The following SNRK variants were observed in gnomAD, a reference collection of about 807,000 sequenced individuals.
The protein encoded by SNRK is SNF-related serine/threonine-protein kinase.
A neutral mutation model predicts 48.2 loss-of-function variants in SNRK; 3 were observed. The ratio of observed to expected loss-of-function variants is 0.06; its 90% CI spans 0.03 to 0.16. The LOEUF is 0.16. SNRK is among the 10% of genes least tolerant of loss of function. SNRK has a pLI of 1.00. For synonymous variants in SNRK, 376 were observed against 366.1 expected (o/e 1.03, Z -0.31); for missense variants, 627 against 976.0 (o/e 0.64, Z 4.76).
chr3:43,344,661 C>G (rs2091261941), intron 6 of SNRK, among the ~76,000 whole-genome samples: 1 of 151,706 alleles, frequency 6.6e-6, no homozygotes, highest in Admixed American at 6.6e-5. Context: ...GGATGCATTC[C>G]TCTGTAATAA....
At chr3:43,316,865 G>C (rs924605728) in intron 3 of SNRK, among the ~76,000 whole-genome samples, 3 of 151,482 alleles carry the variant, frequency 2.0e-5, no homozygotes, top group Non-Finnish European at 2.9e-5. Flanking sequence ...TTCCACTGCT[G>C]TTCCCTGGAG....
intron 2 of SNRK, among the ~76,000 whole-genome samples, chr3:43,301,001 T>C (rs1235032439): frequency 6.6e-6 from 1 of 152,248 alleles, no homozygotes; most frequent in Non-Finnish European, 1.5e-5. Flanking sequence ...CAAGTTACTG[T>C]GCCTCAAAAG....
intron 4 of SNRK, among the ~76,000 whole-genome samples, chr3:43,338,935 T>TA (rs1274672158): frequency 1.1e-4 from 16 of 152,234 alleles, no homozygotes; most frequent in African/African-American, 3.6e-4. Flanking sequence ...TTAACACAGT[T>TA]ACATTTTACA....
chr3:43,347,664 C>T lies in SNRK; in HGVS notation c.1405C>T (p.Arg469Trp), dbSNP rs763407333. 5.6e-6 allele frequency: 9 copies of T among 1,613,702 alleles called. No homozygotes were observed. Among genetic ancestry groups the T allele is most frequent in the African/African-American group, 1.3e-5 (1 of 75,022 alleles). ...CCTCTCAACACAAGTGGTTTTGCGCCGGAAGCCATCTGTAACCAACCGCCT... is the reference window on the plus strand; with the variant it reads ...CCTCTCAACACAAGTGGTTTTGCGCTGGAAGCCATCTGTAACCAACCGCCT... ...MSLSTQVVLR[R>W]KPSVTNRLTS... Residue 469 changes from arginine to tryptophan, a missense_variant, in exon 7 of 7, where the codon CGG (arginine) becomes TGG (tryptophan). Physicochemically the swap from Arg to Trp is moderately radical, Grantham distance 101 (BLOSUM62 -3). Around this residue, in one of 4 missense-constraint regions of SNRK, gnomAD observed 98 missense variants for 175.2 expected, o/e 0.56. Transcript: ENST00000296088. This position sits in a 1 kb window ranked among gnomAD's most constrained non-coding sequence, Gnocchi z 5.4.
At chr3:43,313,997 T>C (rs941204960) in intron 3 of SNRK, among the ~76,000 whole-genome samples, 64 of 152,236 alleles carry the variant, frequency 4.2e-4, no homozygotes, top group Admixed American at 4.1e-3. Context: ...AGAAGGTTGA[T>C]GTGACAGAAA....
intron 1 of SNRK, among the ~76,000 whole-genome samples, chr3:43,288,325 A>AT (rs1277820734): frequency 1.3e-5 from 2 of 152,004 alleles, no homozygotes; most frequent in African/African-American, 4.8e-5. Context: ...AATTCTGAGT[A>AT]TTTTTTTCTG....
chr3:43,348,083 C>G lies in SNRK; in HGVS notation c.1824C>G (p.Pro608=). The change falls in exon 7 of 7, where the codon CCC becomes CCG. Residue 608 remains proline (P), a synonymous_variant. Coordinates refer to ENST00000296088, the MANE Select transcript of SNRK (RefSeq NM_017719.5). ...AGAACAATGCTGGTGGGGGCAGTCCCTCCAGCGGCTCGGGTGGCAACCCCA... is the reference window on the plus strand; with the variant it reads ...AGAACAATGCTGGTGGGGGCAGTCCGTCCAGCGGCTCGGGTGGCAACCCCA... ...PSENNAGGGS[P]SSGSGGNPTN... is the part of the protein sequence containing the mutation. 1.3e-6 allele frequency: 2 copies of G among 1,592,960 alleles called. No homozygotes were observed. The highest frequency in any genetic ancestry group is 1.7e-6 in the Non-Finnish European group (2 of 1,169,686).
chr3:43,341,047 T>C (rs2091231903), intron 5 of SNRK, among the ~76,000 whole-genome samples: 2 of 133,464 alleles, frequency 1.5e-5, no homozygotes, highest in African/African-American at 7.9e-5. Flanking sequence ...GCCTGAAATA[T>C]TTATTATCTG....
chr3:43,315,209 T>C (rs544854239), intron 3 of SNRK: 8 of 152,136 alleles, frequency 5.3e-5, no homozygotes, highest in Non-Finnish European at 1.0e-4. Flanking sequence ...TGCCTGGAAA[T>C]AGCCACTGTG....
At chr3:43,332,106 C>A in intron 3 of SNRK, 63 bp from the exon 4 acceptor site, 1 of 1,209,696 alleles carries the variant, frequency 8.3e-7, no homozygotes, top group Non-Finnish European at 1.1e-6. Context: ...ATTGTTAGCG[C>A]ACTTTTAATG....
At chr3:43,339,641 C>T (rs765927759) in intron 4 of SNRK, among the ~76,000 whole-genome samples, 5 of 151,164 alleles carry the variant, frequency 3.3e-5, no homozygotes, top group Non-Finnish European at 5.9e-5. Context: ...CATAGTGAAA[C>T]CCCGTCTCTA....
chr3:43,318,559 T>A (rs199657486), intron 3 of SNRK, among the ~76,000 whole-genome samples: 9 of 130,434 alleles, frequency 6.9e-5, no homozygotes, highest in Non-Finnish European at 1.4e-4. Flanking sequence ...TTTTTTTTTT[T>A]AAACTTTTTG....
At chr3:43,313,595 T>A (rs766845610) in intron 3 of SNRK, among the ~76,000 whole-genome samples, 5 of 152,212 alleles carry the variant, frequency 3.3e-5, no homozygotes, top group South Asian at 2.1e-4. Context: ...CTTGTGGTGA[T>A]GGAGCACTTC....
At chr3:43,340,665 GT>G (rs959295255) in intron 5 of SNRK, 166 bp downstream of exon 5, 27 of 637,016 alleles carry the variant, frequency 4.2e-5, no homozygotes, top group African/African-American at 5.5e-5. Context: ...CCTGACACAG[GT>G]TTTTTTTGGT....
At chr3:43,296,419 T>TATATATATAC (rs1553632582) in intron 1 of SNRK, among the ~76,000 whole-genome samples, 1 of 143,950 alleles carries the variant, frequency 6.9e-6, no homozygotes, top group South Asian at 2.2e-4. Context: ...TACTGGCATA[T>TATATATATAC]ATATATATAT....
chr3:43,345,115 T>C (rs1307036245), intron 6 of SNRK, among the ~76,000 whole-genome samples: 1 of 152,148 alleles, frequency 6.6e-6, no homozygotes, highest in South Asian at 2.1e-4. Flanking sequence ...AAAAAAAATT[T>C]AAAAATACCA....
intron 3 of SNRK, among the ~76,000 whole-genome samples, chr3:43,327,201 G>A (rs1202868675): frequency 6.6e-6 from 1 of 152,190 alleles, no homozygotes; most frequent in African/African-American, 2.4e-5. Flanking sequence ...GAATTCAGAT[G>A]GATAAACATG....
Position 43,340,371 on chromosome 3 carries a change from G to C in SNRK, c.816G>C (p.Val272=). The stretch of plus-strand genomic sequence containing the variant: ...AAAATCATCCTTGGCTTCAGGGAGT[G>C]GACCCTTCACCAGCTACAAAGTATA... ...EIENHPWLQG[V]DPSPATKYNI... Residue 272 remains valine (V), a synonymous_variant, in exon 5 of 7, where the codon GTG becomes GTC. Transcript: ENST00000296088. 6.2e-7 allele frequency: 1 copy of C among 1,614,106 alleles called. No individual in the cohort carries two copies. Among genetic ancestry groups the C allele is most frequent in the Non-Finnish European group, 8.5e-7 (1 of 1,179,996 alleles).
intron 2 of SNRK, among the ~76,000 whole-genome samples, chr3:43,302,174 A>C (rs2090902477): frequency 6.6e-6 from 1 of 152,206 alleles, no homozygotes; most frequent in African/African-American, 2.4e-5. Flanking sequence ...CCAGTAAATT[A>C]ACAAATATTT....
Sources: gnomAD v4.1 joint callset for allele counts (sites outside exome capture counted in the v4.1 genomes callset) on GRCh38, gnomAD v4.1.1 for gene constraint, gnomAD v4.1.1 regional missense constraint, Gnocchi (gnomAD v3.1) non-coding constraint, MANE v1.5 for transcripts, NCBI Gene and HGNC (gene_info 2026-07-23, HGNC 2026-07-21) for gene names.